DCAF6: variants seen among roughly 807,000 people sequenced by gnomAD.
DCAF6 encodes the protein DDB1 and CUL4 associated factor 6.
DCAF6 carries 54 observed loss-of-function variants against 125.1 expected under a neutral mutation model. That is an observed-to-expected ratio of 0.43 (90% CI 0.35 to 0.54). DCAF6 has a LOEUF of 0.54. Among genes scored for constraint, DCAF6 ranks in the 20% least tolerant of loss-of-function variants. DCAF6 has a pLI of 0.01. For missense variants in DCAF6, 934 were observed against 1,161.7 expected (o/e 0.80, Z 2.85); for synonymous variants, 371 against 390.4 (o/e 0.95, Z 0.58).
At chr1:168,009,403 C>CTCTCTTTCTTTCTT (rs1553232879) in intron 10 of DCAF6, among the ~76,000 whole-genome samples, 12 of 132,956 alleles carry the variant, frequency 9.0e-5, no homozygotes, top group African/African-American at 2.2e-4. Context: ...TTCTTTCTTT[C>CTCTCTTTCTTTCTT]TCTCTCTCTC....
chr1:167,904,082 CTTTTTTTTTTTTTT>C, the DCAF6 span: 2 of 363,266 alleles, frequency 5.5e-6, no homozygotes. Flanking sequence ...CGGGCCTCAG[CTTTTTTTTTTTTTT>C]TTTTTTTTTG....
chr1:168,014,025 C>T (rs879314452), intron 10 of DCAF6, among the ~76,000 whole-genome samples: 1 of 152,164 alleles, frequency 6.6e-6, no homozygotes, highest in East Asian at 1.9e-4. Flanking sequence ...AGGTGTGAGT[C>T]ACGGTGCCCT....
Position 168,050,602 on chromosome 1 carries a change from T to G in DCAF6, c.2259-290T>G, listed in dbSNP as rs536540401. Reference sequence around the variant, plus strand: ...GTATTCATTATAAGCCAGTGCAGTTTCCCATACTGTGACAGGATTGGGTTC... The same window carrying G: ...GTATTCATTATAAGCCAGTGCAGTTGCCCATACTGTGACAGGATTGGGTTC... On this transcript the variant is annotated intron_variant, in intron 16 of 21. Coordinates refer to ENST00000367840, the MANE Select transcript of DCAF6 (RefSeq NM_001198956.2). Among the ~76,000 whole-genome samples the G allele has an allele frequency of 3.0e-3, 459 of 152,278 alleles. 2 individuals are homozygous for G. The highest frequency in any genetic ancestry group is 5.6e-3 in the Non-Finnish European group (381 of 68,012).
upstream of DCAF6, chr1:167,935,584 C>T: frequency 1.7e-6 from 1 of 597,894 alleles, no homozygotes; most frequent in Non-Finnish European, 3.0e-6. Flanking sequence ...GTGAAATGCA[C>T]AGGCTAGGAG....
At chr1:168,067,598 A>G (rs1031363970) in intron 20 of DCAF6, among the ~76,000 whole-genome samples, 4 of 152,230 alleles carry the variant, frequency 2.6e-5, no homozygotes, top group African/African-American at 9.6e-5. Flanking sequence ...ACCCTAGAGT[A>G]CATGCACAAA....
At chr1:167,881,631 A>T in the DCAF6 span, among the ~76,000 whole-genome samples, 1 of 152,126 alleles carries the variant, frequency 6.6e-6, no homozygotes, top group Non-Finnish European at 1.5e-5. Context: ...TTGCACACTG[A>T]CTCTAAGATA....
chr1:167,903,098 A>C, the DCAF6 span, among the ~76,000 whole-genome samples: 1 of 146,996 alleles, frequency 6.8e-6, no homozygotes, highest in African/African-American at 2.5e-5. Context: ...CTACTGAAAA[A>C]AATACAAAAT....
chr1:167,905,157 C>T, the DCAF6 span: 1 of 1,614,116 alleles, frequency 6.2e-7, no homozygotes. Flanking sequence ...GACAAATGTT[C>T]AGGATTTTAT....
At chr1:168,072,168 G>A (rs971353945) in intron 21 of DCAF6, among the ~76,000 whole-genome samples, 21 of 151,162 alleles carry the variant, frequency 1.4e-4, no homozygotes, top group African/African-American at 3.9e-4. Context: ...GTGGTGGCGC[G>A]TGCCTGTAGT....
rs570391630 is a variant in DCAF6, at chr1:168,072,027, G to A, written c.2792-3344G>A. Among the ~76,000 whole-genome samples, 162 of 151,852 alleles carry A rather than the reference G, an allele frequency of 1.1e-3. 1 individual carries two copies. In the South Asian group the frequency reaches 0.025, roughly 23 times the overall value. ...TAGAAAAGTCTTCCCTGGTAGTGCG[G>A]TGGCTCATGCCTGTAATCCCAGCAC... On this transcript the variant is annotated intron_variant, in intron 21 of 21. Coordinates refer to ENST00000367840, the MANE Select transcript of DCAF6 (RefSeq NM_001198956.2).
chr1:168,052,878 G>C (rs1690126504), intron 17 of DCAF6, among the ~76,000 whole-genome samples: 2 of 152,122 alleles, frequency 1.3e-5, no homozygotes, highest in African/African-American at 4.8e-5. Flanking sequence ...GTTCTCCATT[G>C]TTTATGATAT....
At chr1:168,013,560 T>G (rs1299228370) in intron 10 of DCAF6, among the ~76,000 whole-genome samples, 3 of 152,200 alleles carry the variant, frequency 2.0e-5, no homozygotes, top group African/African-American at 7.2e-5. Flanking sequence ...TTTATGCACC[T>G]ATTCAAAACC....
chr1:168,037,175 C>T (rs889111319), intron 12 of DCAF6, among the ~76,000 whole-genome samples: 3 of 150,480 alleles, frequency 2.0e-5, no homozygotes, highest in African/African-American at 4.9e-5. Flanking sequence ...AGGGTTCCTC[C>T]CACCACTGAG....
intron 2 of DCAF6, among the ~76,000 whole-genome samples, chr1:167,957,465 C>A (rs999038619): frequency 1.3e-5 from 2 of 152,122 alleles, no homozygotes; most frequent in African/African-American, 4.8e-5. Flanking sequence ...ATAAATATTT[C>A]ATTGTACACA....
chr1:167,871,089 T>A, the DCAF6 span, among the ~76,000 whole-genome samples: 1 of 152,168 alleles, frequency 6.6e-6, no homozygotes, highest in African/African-American at 2.4e-5. Flanking sequence ...TTTTTGTTTT[T>A]TGTTTTTATT....
At chr1:167,981,875 T>C (rs1475988785) in intron 4 of DCAF6, among the ~76,000 whole-genome samples, 3 of 152,230 alleles carry the variant, frequency 2.0e-5, no homozygotes, top group Non-Finnish European at 4.4e-5. Flanking sequence ...ACAATTTGTT[T>C]TCTTTTGGAT....
chr1:168,020,744 TTA>T (rs560950977), intron 11 of DCAF6, among the ~76,000 whole-genome samples: 103 of 152,248 alleles, frequency 6.8e-4, no homozygotes, highest in African/African-American at 2.3e-3. Context: ...CTAATGGTTA[TTA>T]TGTTAATATT....
the DCAF6 span, chr1:167,899,410 G>T: frequency 1.2e-6 from 2 of 1,613,640 alleles, no homozygotes; most frequent in Non-Finnish European, 1.7e-6. Flanking sequence ...GTAAGTAGCA[G>T]CATCACACCC....
In DCAF6 at chr1:168,008,279, C is replaced by T. The variant is rs189662186; in HGVS notation, c.1378+3486C>T. ...CCACTGCACCCGGCCTATTGTTGTACGTCATAAATCTACATGTTCAAACTA... is the reference window on the plus strand; with the variant it reads ...CCACTGCACCCGGCCTATTGTTGTATGTCATAAATCTACATGTTCAAACTA... On this transcript the variant is annotated intron_variant, in intron 10 of 21. Transcript: ENST00000367840. 1.6e-4 allele frequency among the ~76,000 whole-genome samples: 25 copies of T among 152,126 alleles called. 1 individual carries two copies. Among genetic ancestry groups the T allele is most frequent in the Admixed American group, 1.2e-3 (19 of 15,272 alleles).
Sources: allele counts gnomAD v4.1 joint callset (sites outside exome capture counted in the v4.1 genomes callset), GRCh38; gene constraint gnomAD v4.1.1; transcripts MANE v1.5; gene names NCBI Gene and HGNC (gene_info 2026-07-23, HGNC 2026-07-21).